Variants in INPP4B observed in about 807,000 individuals in gnomAD.
The protein encoded by INPP4B is inositol polyphosphate-4-phosphatase type II B.
INPP4B carries 55 observed loss-of-function variants against 122.5 expected under a neutral mutation model. The observed-to-expected ratio is 0.45, with a 90% CI of 0.36 to 0.56. INPP4B has a LOEUF of 0.56. Ranked by LOEUF, INPP4B falls within the 20% of genes least tolerant of loss-of-function variation. The pLI is 0.00. For missense variants in INPP4B, 1,000 were observed against 1,097.7 expected (o/e 0.91, Z 1.26); for synonymous variants, 403 against 388.7 (o/e 1.04, Z -0.43).
At chr4:142,074,518 C>G (rs1769394542) in intron 25 of INPP4B, among the ~76,000 whole-genome samples, 1 of 152,010 alleles carries the variant, frequency 6.6e-6, no homozygotes, top group Non-Finnish European at 1.5e-5. Flanking sequence ...ATTAAAAATA[C>G]AAATGCCTTA....
intron 11 of INPP4B, among the ~76,000 whole-genome samples, chr4:142,245,068 G>A (rs777975916): frequency 1.6e-4 from 25 of 151,560 alleles, no homozygotes; most frequent in Admixed American, 2.6e-4. Flanking sequence ...CTTTTGGATG[G>A]GTTTTTTTTC....
chr4:142,090,557 G>A (rs1404995896), intron 23 of INPP4B, among the ~76,000 whole-genome samples: 1 of 152,146 alleles, frequency 6.6e-6, no homozygotes, highest in African/African-American at 2.4e-5. Flanking sequence ...GGTGTACACA[G>A]AACGTGAATT....
chr4:142,740,328 T>C (rs926150905), intron 1 of INPP4B, among the ~76,000 whole-genome samples: 2 of 152,042 alleles, frequency 1.3e-5, no homozygotes, highest in African/African-American at 4.8e-5. Context: ...AAAAACTACA[T>C]TGTGCTCAAT....
At chr4:142,536,687 C>T (rs1224314432) in intron 2 of INPP4B, among the ~76,000 whole-genome samples, 1 of 152,174 alleles carries the variant, frequency 6.6e-6, no homozygotes, top group Non-Finnish European at 1.5e-5. Context: ...AAGGGGCCAT[C>T]TCAGTACCCA....
At chr4:142,383,402 A>C (rs1296167819) in intron 7 of INPP4B, among the ~76,000 whole-genome samples, 1 of 152,192 alleles carries the variant, frequency 6.6e-6, no homozygotes, top group African/African-American at 2.4e-5. Flanking sequence ...TGCTTGAAAG[A>C]ATAACTGCTT....
intron 9 of INPP4B, among the ~76,000 whole-genome samples, chr4:142,276,016 C>G (rs1057169482): frequency 2.0e-5 from 3 of 151,706 alleles, no homozygotes; most frequent in Admixed American, 2.0e-4. Context: ...AGTAGCACAT[C>G]ATTCTCCAAA....
At chr4:142,645,756 C>CT (rs1174939555) in intron 2 of INPP4B, among the ~76,000 whole-genome samples, 2 of 152,160 alleles carry the variant, frequency 1.3e-5, no homozygotes, top group Admixed American at 1.3e-4. Context: ...GAAATAAACT[C>CT]TATCTATAAG....
At chr4:142,522,407 G>A (rs961780584) in intron 2 of INPP4B, among the ~76,000 whole-genome samples, 2 of 142,184 alleles carry the variant, frequency 1.4e-5, no homozygotes, top group African/African-American at 5.3e-5. Context: ...TTATTCACAG[G>A]CATGATCACA....
intron 12 of INPP4B, among the ~76,000 whole-genome samples, chr4:142,225,849 T>A (rs1275876179): frequency 2.0e-5 from 3 of 152,140 alleles, no homozygotes; most frequent in African/African-American, 7.2e-5. Context: ...CATGATAGGT[T>A]TTCTAACACT....
At chr4:142,585,179 C>T (rs1251682085) in intron 2 of INPP4B, among the ~76,000 whole-genome samples, 1 of 152,150 alleles carries the variant, frequency 6.6e-6, no homozygotes, top group African/African-American at 2.4e-5. Flanking sequence ...TTTGTGCATT[C>T]ACTGTCTTAG....
chr4:142,133,499 C>T (rs540460550), intron 18 of INPP4B, among the ~76,000 whole-genome samples: 2 of 152,252 alleles, frequency 1.3e-5, no homozygotes, highest in South Asian at 2.1e-4. Flanking sequence ...TGGTTTTACC[C>T]TCTTCATGTA....
intron 3 of INPP4B, among the ~76,000 whole-genome samples, chr4:142,448,847 T>C (rs1193285678): frequency 6.6e-6 from 1 of 152,188 alleles, no homozygotes; most frequent in Admixed American, 6.5e-5. Context: ...AGGTTCTCTT[T>C]GTGGAAAATG....
At chr4:142,150,408 T>A (rs1455726924) in intron 17 of INPP4B, among the ~76,000 whole-genome samples, 1 of 152,178 alleles carries the variant, frequency 6.6e-6, no homozygotes, top group South Asian at 2.1e-4. Flanking sequence ...TCCCCAGAAA[T>A]AGCAGCTATT....
At chr4:142,296,960 C>G (rs2636652) in intron 9 of INPP4B, among the ~76,000 whole-genome samples, 119,765 of 152,094 alleles carry the variant, frequency 0.79, 48,557 homozygotes, top group East Asian at 0.94. Flanking sequence ...ACCCTTCATT[C>G]TCACAGTTCA....
chr4:142,709,059 T>C (rs1330852157), intron 2 of INPP4B, among the ~76,000 whole-genome samples: 1 of 152,136 alleles, frequency 6.6e-6, no homozygotes. Context: ...TGGAGTCAAA[T>C]GAGATTATTT....
intron 2 of INPP4B, among the ~76,000 whole-genome samples, chr4:142,523,507 G>C (rs1826380177): frequency 6.6e-6 from 1 of 152,040 alleles, no homozygotes; most frequent in African/African-American, 2.4e-5. Context: ...TAATTTCTCA[G>C]CTTTCAAATT....
chr4:142,144,025 A>C (rs985617106), intron 18 of INPP4B, among the ~76,000 whole-genome samples: 2 of 152,002 alleles, frequency 1.3e-5, no homozygotes, highest in Admixed American at 6.6e-5. Flanking sequence ...TTTGACTCTA[A>C]CCATCCACAA....
chr4:142,052,654 T>C (rs561123218), intron 25 of INPP4B, among the ~76,000 whole-genome samples: 1 of 147,534 alleles, frequency 6.8e-6, no homozygotes, highest in South Asian at 2.2e-4. Flanking sequence ...TTAAAAATGA[T>C]GGGATTTGGC....
chr4:142,775,500 C>T (rs1280247430), intron 1 of INPP4B, among the ~76,000 whole-genome samples: 4 of 147,624 alleles, frequency 2.7e-5, no homozygotes, highest in South Asian at 4.5e-4. Context: ...CTTCCCTTCC[C>T]TTCCCCTCCC....
Sources: gnomAD v4.1 joint callset for allele counts (sites outside exome capture counted in the v4.1 genomes callset) on GRCh38, gnomAD v4.1.1 for gene constraint, MANE v1.5 for transcripts, NCBI Gene and HGNC (gene_info 2026-07-23, HGNC 2026-07-21) for gene names.